SEMA4G: variants seen among roughly 807,000 people sequenced by gnomAD.
The protein encoded by SEMA4G is semaphorin-4G.
Under a neutral mutation model 81.2 loss-of-function variants are expected in SEMA4G, and 59 were observed. That is an observed-to-expected ratio of 0.73 (90% confidence interval 0.59 to 0.90). The LOEUF (loss-of-function observed/expected upper bound fraction) is 0.90, where lower values mean the gene tolerates loss of function less well. Among genes scored for constraint, SEMA4G ranks in the 40% least tolerant of loss-of-function variants. The pLI is 0.00. For synonymous variants in SEMA4G, 404 were observed against 433.9 expected (o/e 0.93, Z 0.86); for missense variants, 952 against 1,102.3 (o/e 0.86, Z 1.93).
At chr10:100,981,350 A>G in intron 13 of SEMA4G, 121 bp downstream of exon 14, 1 of 1,603,718 alleles carries the variant, frequency 6.2e-7, no homozygotes, top group South Asian at 1.1e-5. Context: ...GGTAAGGATG[A>G]CTCAAACACA....
chr10:100,980,377 GC>G, intron 10 of SEMA4G, 33 bp downstream of exon 11: 1 of 1,586,602 alleles, frequency 6.3e-7, no homozygotes, highest in Non-Finnish European at 8.7e-7. Context: ...ATCCCTGTTG[GC>G]CCTGATCACT....
At chr10:100,977,525 C>A in intron 3 of SEMA4G, 107 bp from the exon 5 acceptor site, 1 of 821,224 alleles carries the variant, frequency 1.2e-6, no homozygotes. Context: ...TTGGAAAGAA[C>A]CGTTTGTCCT....
At chr10:100,974,174 CA>C (rs1217588102) in intron 3 of SEMA4G, among the ~76,000 whole-genome samples, 1 of 151,892 alleles carries the variant, frequency 6.6e-6, no homozygotes, top group Non-Finnish European at 1.5e-5. Context: ...ATCAAAATGG[CA>C]ATAAGTAGGC....
chr10:100,984,987 C>G (rs760046546), downstream of SEMA4G: 11 of 1,322,054 alleles, frequency 8.3e-6, no homozygotes, highest in Non-Finnish European at 1.1e-5. Flanking sequence ...ACATGCACCT[C>G]TGAGCCTCCC....
intron 5 of SEMA4G, 40 bp from the exon 7 acceptor site, chr10:100,978,487 A>G (rs1270682236): frequency 1.2e-6 from 2 of 1,603,508 alleles, no homozygotes; most frequent in Non-Finnish European, 1.7e-6. Context: ...GCCCTGTTGA[A>G]TATGACATGT....
At chr10:100,975,741 A>G (rs1397355569) in intron 3 of SEMA4G, among the ~76,000 whole-genome samples, 1 of 152,072 alleles carries the variant, frequency 6.6e-6, no homozygotes, top group Non-Finnish European at 1.5e-5. Context: ...CCATGCGAGT[A>G]GTAGTCCCAG....
At chr10:100,974,273 C>T (rs917660534) in intron 3 of SEMA4G, among the ~76,000 whole-genome samples, 6 of 151,720 alleles carry the variant, frequency 4.0e-5, no homozygotes, top group Non-Finnish European at 7.4e-5. Context: ...CAAGATCAGC[C>T]TTGGCAACAC....
At chr10:100,984,036 G>T in exon 14 of SEMA4G, 5 of 1,613,668 alleles carry the variant, frequency 3.1e-6, no homozygotes, top group Non-Finnish European at 4.2e-6. Context: ...TGGAGTACCA[G>T]CAGGGCCCTG....
In SEMA4G at chr10:100,973,920, G is replaced by A. The variant is rs145223060; in HGVS notation, c.336+311G>A. Among the ~76,000 whole-genome samples, 1,865 of 151,730 alleles carry A rather than the reference G, an allele frequency of 0.012. 18 individuals carry two copies. Among genetic ancestry groups the A allele is most frequent in the Non-Finnish European group, 0.017 (1,154 of 67,896 alleles). On this transcript the variant is annotated intron_variant, in intron 3 of 13. Transcript: ENST00000370250. This position sits in a 1 kb window ranked among gnomAD's most constrained non-coding sequence, Gnocchi z 5.5. ...CAGCCTCCTGAGTAGCTAGGACCACGGGCACATGCCACGCCCAGCTAAGTG... is the reference window on the plus strand; with the variant it reads ...CAGCCTCCTGAGTAGCTAGGACCACAGGCACATGCCACGCCCAGCTAAGTG...
chr10:100,974,865 A>T (rs1850731435), intron 3 of SEMA4G: 2 of 407,164 alleles, frequency 4.9e-6, no homozygotes, highest in Non-Finnish European at 9.5e-6. Flanking sequence ...TAATCTCAAC[A>T]CTTTGGGAGG....
upstream of SEMA4G, among the ~76,000 whole-genome samples, chr10:100,970,309 C>A (rs1850594391): frequency 6.6e-6 from 1 of 152,010 alleles, no homozygotes; most frequent in Non-Finnish European, 1.5e-5. Flanking sequence ...GCCCACTTAG[C>A]CCCGCCCCCT....
exon 1 of SEMA4G, chr10:100,972,836 C>G (rs1050718409): frequency 2.7e-6 from 4 of 1,504,022 alleles, no homozygotes; most frequent in Non-Finnish European, 9.0e-7. Context: ...TGTGACTGTG[C>G]TTCCCATTCC....
At chr10:100,985,305 G>T (rs722435), downstream of SEMA4G, 46,145 of 169,116 alleles carry the variant, frequency 0.27, 7,295 homozygotes, top group East Asian at 0.55. Flanking sequence ...ACTTTCAGGG[G>T]CCAGGGGCCT....
At chr10:100,970,829 T>C (rs117836117), upstream of SEMA4G, among the ~76,000 whole-genome samples, 3 of 152,218 alleles carry the variant, frequency 2.0e-5, no homozygotes, top group East Asian at 3.9e-4. Flanking sequence ...TATCAATGGG[T>C]TTGTGTGCAT....
intron 3 of SEMA4G, among the ~76,000 whole-genome samples, chr10:100,976,727 G>A (rs745514031): frequency 1.3e-5 from 2 of 152,222 alleles, no homozygotes; most frequent in African/African-American, 4.8e-5. Flanking sequence ...AATAGTAACA[G>A]CAGTCTTCTT....
chr10:100,980,417 A>T, intron 10 of SEMA4G, 73 bp downstream of exon 11: 1 of 1,486,794 alleles, frequency 6.7e-7, no homozygotes, highest in Non-Finnish European at 9.4e-7. Flanking sequence ...AATTCCTGCC[A>T]TGACTAGTCT....
chr10:100,983,444 C>T (rs1287605179), exon 14 of SEMA4G: 1 of 1,614,014 alleles, frequency 6.2e-7, no homozygotes, highest in Non-Finnish European at 8.5e-7. Flanking sequence ...AGGGTGGCTA[C>T]CGTGTGGGCG....
Position 100,973,664 on chromosome 10 carries a change from G to T in SEMA4G, c.336+55G>T. The T allele has an allele frequency of 6.5e-7, 1 of 1,537,382 alleles. No homozygotes were observed. The highest frequency in any genetic ancestry group is 1.1e-5 in the South Asian group (1 of 87,254). ...TTCCTCCCCTTCTTCCTCAATCAGG[G>T]ATGCCAGGATTGTTGGGGACACAGA... On this transcript the variant is annotated intron_variant, in intron 3 of 13. Coordinates refer to ENST00000370250, the Ensembl canonical transcript of SEMA4G. The surrounding 1 kb of genome is among the most constrained non-coding windows in gnomAD (Gnocchi z 5.5).
At chr10:100,983,985 A>G (rs1590001187) in exon 14 of SEMA4G, 1 of 1,575,254 alleles carries the variant, frequency 6.3e-7, no homozygotes, top group Non-Finnish European at 8.6e-7. Flanking sequence ...GCTGCGGAGG[A>G]TGAATGGCAA....
Sources: gnomAD v4.1 joint callset for allele counts (sites outside exome capture counted in the v4.1 genomes callset) on GRCh38, gnomAD v4.1.1 for gene constraint, Gnocchi (gnomAD v3.1) non-coding constraint, MANE v1.5 for transcripts, NCBI Gene and HGNC (gene_info 2026-07-23, HGNC 2026-07-21) for gene names.